PATJ: variants seen among roughly 807,000 people sequenced by gnomAD.
The protein encoded by PATJ is PATJ crumbs cell polarity complex component, also known as inaD-like protein.
PATJ carries 190 observed loss-of-function variants against 224.9 expected under a neutral mutation model. That is an observed-to-expected ratio of 0.84 (90% CI 0.75 to 0.95). The LOEUF is 0.95. Among genes scored for constraint, PATJ ranks in the 40% least tolerant of loss-of-function variants. The pLI is 0.00. For synonymous variants in PATJ, 769 were observed against 820.3 expected, an observed-to-expected ratio of 0.94 and a Z score of 1.07; for missense variants, 2,121 against 2,270.3, an observed-to-expected ratio of 0.93 and a Z score of 1.34.
At chr1:62,136,015 ATTTT>A (rs374594803) in intron 41 of PATJ, among the ~76,000 whole-genome samples, 4 of 63,880 alleles carry the variant, frequency 6.3e-5, no homozygotes, top group East Asian at 1.2e-3. Flanking sequence ...AGACCATTAG[ATTTT>A]TTTTTTTTTT....
At chr1:61,773,047 A>G (rs1028204659) in intron 6 of PATJ, among the ~76,000 whole-genome samples, 4 of 152,038 alleles carry the variant, frequency 2.6e-5, no homozygotes, top group African/African-American at 7.2e-5. Context: ...TTTGAGATGG[A>G]GTCTTGCTTT....
At chr1:62,111,391 A>G (rs999994610) in intron 34 of PATJ, among the ~76,000 whole-genome samples, 4 of 152,226 alleles carry the variant, frequency 2.6e-5, no homozygotes, top group African/African-American at 9.6e-5. Context: ...TCATGCTGAG[A>G]GGAAAAACAG....
chr1:61,992,456 T>G (rs1243838084), intron 28 of PATJ, among the ~76,000 whole-genome samples: 1 of 152,172 alleles, frequency 6.6e-6, no homozygotes, highest in African/African-American at 2.4e-5. Flanking sequence ...TTGTTTAGAT[T>G]CAGGAGATTC....
rs745966007 is a variant in PATJ at position 61,995,074 on chromosome 1, G to T, written c.3867+4710G>T. ...GAGTATAGGAAATTTATTTAATGAT[G>T]AGTACCAAGAAAGCTAAAGCCAGTG... On this transcript the variant is annotated intron_variant, in intron 28 of 43. Transcript: ENST00000642238. 6.0e-4 allele frequency among the ~76,000 whole-genome samples: 91 copies of T among 152,150 alleles called. 1 individual carries two copies. Among genetic ancestry groups the T allele is most frequent in the Non-Finnish European group, 1.3e-4 (9 of 68,034 alleles).
At chr1:62,151,538 C>T (rs1668634642) in intron 42 of PATJ, among the ~76,000 whole-genome samples, 1 of 152,174 alleles carries the variant, frequency 6.6e-6, no homozygotes, top group African/African-American at 2.4e-5. Flanking sequence ...TTGCAGTGAG[C>T]CGAGATAGCG....
At chr1:62,031,150 T>C (rs1357273593) in intron 29 of PATJ, among the ~76,000 whole-genome samples, 1 of 152,204 alleles carries the variant, frequency 6.6e-6, no homozygotes. Context: ...TACTGAGCCC[T>C]CTGTTCACCG....
At chr1:61,964,859 C>T (rs1426924673) in intron 27 of PATJ, among the ~76,000 whole-genome samples, 3 of 151,822 alleles carry the variant, frequency 2.0e-5, no homozygotes, top group Admixed American at 1.3e-4. Flanking sequence ...TGCCTGTAAT[C>T]CCAGCACTTT....
intron 31 of PATJ, among the ~76,000 whole-genome samples, chr1:62,054,057 A>G (rs767374856): frequency 7.9e-5 from 12 of 152,162 alleles, no homozygotes; most frequent in Non-Finnish European, 1.8e-4. Flanking sequence ...TGAAATTGCC[A>G]TTTTGGTAGG....
intron 43 of PATJ, among the ~76,000 whole-genome samples, chr1:62,157,280 C>T (rs1370428318): frequency 1.3e-5 from 2 of 150,922 alleles, no homozygotes; most frequent in African/African-American, 4.8e-5. Context: ...GCGGAGATTA[C>T]ACCATTGCAC....
At chr1:61,784,834 A>G (rs1450866401) in intron 7 of PATJ, among the ~76,000 whole-genome samples, 1 of 152,208 alleles carries the variant, frequency 6.6e-6, no homozygotes, top group African/African-American at 2.4e-5. Flanking sequence ...CTATTAAAGT[A>G]GAAATCCAGC....
chr1:61,783,362 T>C (rs892272080), intron 7 of PATJ, among the ~76,000 whole-genome samples: 10 of 152,048 alleles, frequency 6.6e-5, no homozygotes, highest in East Asian at 5.8e-4. Context: ...AACATAGTTA[T>C]GATTTCATTG....
chr1:61,797,636 A>G (rs1309227319), intron 11 of PATJ, among the ~76,000 whole-genome samples: 1 of 152,220 alleles, frequency 6.6e-6, no homozygotes, highest in Non-Finnish European at 1.5e-5. Context: ...TGTGCACCCG[A>G]CATGCACTAA....
chr1:61,933,628 G>C (rs1203332162), intron 27 of PATJ, among the ~76,000 whole-genome samples: 1 of 151,670 alleles, frequency 6.6e-6, no homozygotes, highest in Non-Finnish European at 1.5e-5. Flanking sequence ...TGACTTGAAA[G>C]TCTTCTTTTC....
chr1:62,036,398 A>C (rs1354191689), intron 29 of PATJ, among the ~76,000 whole-genome samples: 1 of 152,198 alleles, frequency 6.6e-6, no homozygotes, highest in Non-Finnish European at 1.5e-5. Context: ...TTCCTGGTTG[A>C]ACAACTGGAC....
chr1:61,804,093 C>T (rs1653069934), intron 12 of PATJ, among the ~76,000 whole-genome samples: 1 of 152,068 alleles, frequency 6.6e-6, no homozygotes, highest in African/African-American at 2.4e-5. Flanking sequence ...GTTTAGAATT[C>T]AACAAATAAA....
chr1:61,842,830 C>A lies in PATJ; in HGVS notation c.2112+9045C>A, dbSNP rs113301767. Among the ~76,000 whole-genome samples, 697 of 151,900 alleles carry A rather than the reference C, an allele frequency of 4.6e-3. 7 individuals carry two copies. The highest frequency in any genetic ancestry group is 0.016 in the African/African-American group (649 of 41,422). On this transcript the variant is annotated intron_variant, in intron 17 of 43. Coordinates refer to ENST00000642238, the MANE Select transcript of PATJ (RefSeq NM_001350145.3). ...CTCGGTCCCCAGAGGTGTTTCATCACCAGTCTTCTACCTGTAGCAATGGAT... is the reference window on the plus strand; with the variant it reads ...CTCGGTCCCCAGAGGTGTTTCATCAACAGTCTTCTACCTGTAGCAATGGAT...
At position 61,972,377 on chromosome 1, in the gene PATJ, A is replaced by G. The variant is rs576319643; in HGVS notation, c.3671-17791A>G. On this transcript the variant is annotated intron_variant, in intron 27 of 43. Transcript: ENST00000642238. ...TTCAGATTAGGAATGCTCAACTTGTATTAAACAATTTATAATATTGCTGAT... is the reference window on the plus strand; with the variant it reads ...TTCAGATTAGGAATGCTCAACTTGTGTTAAACAATTTATAATATTGCTGAT... Among the ~76,000 whole-genome samples, 198 of 152,168 alleles carry G rather than the reference A, an allele frequency of 1.3e-3. 2 individuals are homozygous for G. Among genetic ancestry groups the G allele is most frequent in the Non-Finnish European group, 2.4e-3 (162 of 68,030 alleles).
intron 33 of PATJ, among the ~76,000 whole-genome samples, chr1:62,090,793 C>T (rs1660634235): frequency 1.3e-5 from 2 of 152,146 alleles, no homozygotes; most frequent in Admixed American, 1.3e-4. Context: ...CTTACCTTTT[C>T]TGATGTTTGC....
chr1:61,812,248 G>T (rs1226653682), intron 14 of PATJ, among the ~76,000 whole-genome samples: 2 of 151,792 alleles, frequency 1.3e-5, no homozygotes, highest in Non-Finnish European at 2.9e-5. Flanking sequence ...GCCAAAATTT[G>T]ATTAAATATC....
Sources: gnomAD v4.1 joint callset for allele counts (sites outside exome capture counted in the v4.1 genomes callset) on GRCh38, gnomAD v4.1.1 for gene constraint, MANE v1.5 for transcripts, NCBI Gene and HGNC (gene_info 2026-07-23, HGNC 2026-07-21) for gene names.